CFAP298: variants seen among roughly 807,000 people sequenced by gnomAD.
CFAP298 encodes cilia and flagella associated protein 298.
Under a neutral mutation model 41.0 loss-of-function variants are expected in CFAP298, and 38 were observed. The ratio of observed to expected loss-of-function variants is 0.93; its 90% CI spans 0.72 to 1.22. The LOEUF (loss-of-function observed/expected upper bound fraction) is 1.22. Among genes scored for constraint, CFAP298 ranks in the 50% most tolerant of loss-of-function variants. The pLI is 0.00. For synonymous variants in CFAP298, 137 were observed against 135.3 expected (o/e 1.01, Z -0.09); for missense variants, 348 against 360.3 (o/e 0.97, Z 0.28).
chr21:32,602,700 CCAA>C, intron 5 of CFAP298: 1 of 1,240,222 alleles, frequency 8.1e-7, no homozygotes, highest in Non-Finnish European at 1.0e-6. Flanking sequence ...CCCCATTTCC[CCAA>C]AATCACAGCC....
Position 32,609,965 on chromosome 21 carries a change from A to G in CFAP298, c.180T>C (p.Pro60=). 6.2e-7 allele frequency: 1 copy of G among 1,613,478 alleles called. No individual in the cohort carries two copies. The highest frequency in any genetic ancestry group is 1.1e-5 in the South Asian group (1 of 90,998). ...GATCATCGGTCAGTCCTTGCATATT[A>G]GGAGGGAGAAATATGCCATGTTCGG... ...ELAEHGIFLP[P]NMQGLTDDQI... The change falls in exon 2 of 7, where the codon CCT becomes CCC. Residue 60 remains proline (P), a synonymous_variant. Coordinates refer to ENST00000290155, the MANE Select transcript of CFAP298 (RefSeq NM_021254.4).
chr21:32,611,369 T>TGG (rs2038995017), intron 1 of CFAP298, among the ~76,000 whole-genome samples: 1 of 143,358 alleles, frequency 7.0e-6, no homozygotes, highest in African/African-American at 2.7e-5. Flanking sequence ...TACATATATA[T>TGG]AATTTATTTA....
At position 32,612,190 on chromosome 21, in the gene CFAP298, C is replaced by T. The variant is rs1342922630; in HGVS notation, c.54G>A (p.Ala18=). The T allele has an allele frequency of 6.2e-7, 1 of 1,606,466 alleles. No homozygotes were observed. The highest frequency in any genetic ancestry group is 1.1e-5 in the South Asian group (1 of 89,500). ...GCTCCTCCAGCTCGGTACTCCCAGG[C>T]GCCTGCAGCAGGAACTGGCTCTCGT... ...RGDESQFLLQ[A]PGSTELEELT... is the part of the protein sequence containing the mutation. Residue 18 remains alanine, a synonymous_variant, in exon 1 of 7, where the codon GCG becomes GCA. Transcript: ENST00000290155.
intron 1 of CFAP298, among the ~76,000 whole-genome samples, chr21:32,610,503 C>T (rs1212110971): frequency 2.0e-5 from 3 of 152,166 alleles, no homozygotes; most frequent in African/African-American, 7.2e-5. Context: ...CCACGCCCGG[C>T]CCCATCCTTG....
At chr21:32,603,442 C>G in intron 4 of CFAP298, 150 bp from the exon 5 acceptor site, 1 of 742,364 alleles carries the variant, frequency 1.3e-6, no homozygotes, top group South Asian at 1.8e-5. Context: ...TAAGTCCTTG[C>G]TGACTTTAGT....
At chr21:32,602,206 C>T in intron 6 of CFAP298, 66 bp downstream of exon 6, 4 of 1,491,736 alleles carry the variant, frequency 2.7e-6, no homozygotes, top group African/African-American at 1.4e-5. Flanking sequence ...CCCAGCAGCC[C>T]CAGGTAAGGC....
intron 1 of CFAP298, among the ~76,000 whole-genome samples, chr21:32,611,871 C>T (rs1212076648): frequency 6.6e-6 from 1 of 152,208 alleles, no homozygotes; most frequent in Non-Finnish European, 1.5e-5. Context: ...ACCCCAAATC[C>T]TGGCTCCGAG....
At chr21:32,602,460 C>T (rs1337810168) in intron 5 of CFAP298, 93 bp from the exon 6 acceptor site, 20 of 1,502,696 alleles carry the variant, frequency 1.3e-5, no homozygotes, top group Middle Eastern at 1.8e-4. Context: ...TTGCCTTTGC[C>T]GGCTACTAAA....
At chr21:32,605,007 T>C (rs886697483) in intron 3 of CFAP298, among the ~76,000 whole-genome samples, 2 of 152,210 alleles carry the variant, frequency 1.3e-5, no homozygotes, top group African/African-American at 4.8e-5. Flanking sequence ...GGCAAAGCCC[T>C]GTCTCTACTA....
At chr21:32,610,340 G>A (rs1467798938) in intron 1 of CFAP298, among the ~76,000 whole-genome samples, 1 of 152,052 alleles carries the variant, frequency 6.6e-6, no homozygotes, top group East Asian at 1.9e-4. Context: ...TCAGCCTCCC[G>A]AGTAGCTGGG....
At position 32,604,168 on chromosome 21, in the gene CFAP298, A is replaced by G; in HGVS notation, c.491T>C (p.Ile164Thr). The change falls in exon 4 of 7, where the codon ATC becomes ACC. Residue 164 changes from isoleucine to threonine, a missense_variant. By Grantham distance (89) the Ile-to-Thr change is moderately conservative. Transcript: ENST00000290155. ...TTCCTTATTTTCAAACTCCATGCGG[A>G]TGGGATCATACGGTGGCAACCCCAT... ...YPMGLPPYDPIRMEFENKEDL... is the reference protein window; with the variant it reads ...YPMGLPPYDPTRMEFENKEDL... 6.2e-7 allele frequency: 1 copy of G among 1,614,126 alleles called. No individual in the cohort carries two copies. Among genetic ancestry groups the G allele is most frequent in the Non-Finnish European group, 8.5e-7 (1 of 1,180,030 alleles).
chr21:32,606,502 T>C (rs562619700), intron 3 of CFAP298, among the ~76,000 whole-genome samples: 1 of 152,178 alleles, frequency 6.6e-6, no homozygotes, highest in East Asian at 1.9e-4. Flanking sequence ...TTTCTTGCCA[T>C]GGCCTGAGAC....
intron 1 of CFAP298, 40 bp downstream of exon 1, chr21:32,612,065 C>T: frequency 3.3e-6 from 5 of 1,501,794 alleles, no homozygotes; most frequent in Non-Finnish European, 4.5e-6. Flanking sequence ...CCACGCCGGT[C>T]TCTCGATCTG....
chr21:32,607,486 G>A (rs1429024483), intron 3 of CFAP298, among the ~76,000 whole-genome samples, 163 bp downstream of exon 3: 4 of 151,742 alleles, frequency 2.6e-5, no homozygotes, highest in African/African-American at 4.8e-5. Context: ...CCAGCTACTC[G>A]GGAGGCTGAG....
chr21:32,604,120 C>T lies in CFAP298; in HGVS notation c.534+5G>A, dbSNP rs765368975. 30 of 1,612,918 alleles carry T rather than the reference C, an allele frequency of 1.9e-5. No homozygotes were observed. Among genetic ancestry groups the T allele is most frequent in the African/African-American group, 8.0e-5 (6 of 74,902 alleles). On this transcript the variant is annotated splice_donor_5th_base_variant and intron_variant, in intron 4 of 6. Coordinates refer to ENST00000290155, the MANE Select transcript of CFAP298 (RefSeq NM_021254.4). ...CTCCAGAGTACCCACTCACAAACTACGTACCTGTGTTCCCGACAAGTCTTC... is the reference window on the plus strand; with the variant it reads ...CTCCAGAGTACCCACTCACAAACTATGTACCTGTGTTCCCGACAAGTCTTC...
Position 32,611,338 on chromosome 21 carries a change from T to TATATATATATATATATATATATATATAA in CFAP298, c.139+766_139+767insTTATATATATATATATATATATATATAT, listed in dbSNP as rs954890218. Among the ~76,000 whole-genome samples the TATATATATATATATATATATATATATAA allele has an allele frequency of 4.6e-4, 61 of 132,328 alleles. 3 individuals are homozygous for TATATATATATATATATATATATATATAA. The highest frequency in any genetic ancestry group is 1.8e-3 in the African/African-American group (54 of 30,102). 86.8% of individuals were successfully genotyped at this position (132,328 alleles called of 152,430 possible). On this transcript the variant is annotated intron_variant, in intron 1 of 6. Transcript: ENST00000290155. ...CATACCATATATATATATATATATA[T>TATATATATATATATATATATATATATAA]AATTTATTTATATTTATATATACAT...
chr21:32,599,678 T>C lies in CFAP298; in HGVS notation c.*2185A>G, dbSNP rs1237790168. ...TACCACCACTAGCTACCTGTGACCT[T>C]GGGTGAGTCAGCAAGTGGATGCAAA... On this transcript the variant is annotated 3_prime_UTR_variant, in exon 7 of 7. Coordinates refer to ENST00000290155, the MANE Select transcript of CFAP298 (RefSeq NM_021254.4). Among the ~76,000 whole-genome samples, 1 of 152,168 alleles carries C rather than the reference T, an allele frequency of 6.6e-6. No individual in the cohort carries two copies. Among genetic ancestry groups the C allele is most frequent in the Non-Finnish European group, 1.5e-5 (1 of 68,024 alleles).
In CFAP298 at chr21:32,606,513, G is replaced by A. The variant is rs747087087; in HGVS notation, c.375+1136C>T. Among the ~76,000 whole-genome samples, 5 of 152,108 alleles carry A rather than the reference G, an allele frequency of 3.3e-5. No individual in the cohort carries two copies. The South Asian group carries it at 6.2e-4, about 19-fold the overall frequency. ...CTGTTTTCTTGCCATGGCCTGAGAC[G>A]TGCTCACATGCCTAGATGCCATCAC... On this transcript the variant is annotated intron_variant, in intron 3 of 6. Transcript: ENST00000290155.
rs202094637 is a variant in CFAP298 at position 32,602,299 on chromosome 21, G to C, written c.735C>G (p.Tyr245Ter). 92 of 1,613,936 alleles carry C rather than the reference G, an allele frequency of 5.7e-5. No individual in the cohort carries two copies. The highest frequency in any genetic ancestry group is 1.4e-5 in the Non-Finnish European group (17 of 1,180,046). Reference protein sequence around the residue: ...SSEEQKQLMLYYHRRQEELKR... With the variant: ...SSEEQKQLML ...TGAGCTCCTCTTGTCTTCTGTGATA[G>C]TACAGCATCAGCTGCTTCTGCTCCT... The change falls in exon 6 of 7, where the codon TAC (tyrosine) becomes TAG (stop). Residue 245 changes from tyrosine (Y) to a stop codon, truncating the protein, a stop_gained. Coordinates refer to ENST00000290155, the MANE Select transcript of CFAP298 (RefSeq NM_021254.4). LOFTEE classifies it high-confidence loss of function.
Sources: allele counts gnomAD v4.1 joint callset (sites outside exome capture counted in the v4.1 genomes callset), GRCh38; gene constraint gnomAD v4.1.1; transcripts MANE v1.5; gene names NCBI Gene and HGNC (gene_info 2026-07-23, HGNC 2026-07-21).